The following AFF3 variants were observed in gnomAD, a reference collection of about 807,000 sequenced individuals.
AFF3 encodes the protein AF4/FMR2 family member 3.
In AFF3, 32 loss-of-function variants were observed where a neutral mutation model predicts 129.7. The ratio of observed to expected loss-of-function variants is 0.25; its 90% CI spans 0.19 to 0.33. The LOEUF (loss-of-function observed/expected upper bound fraction) is 0.33, where lower values mean the gene tolerates loss of function less well. Ranked by LOEUF, AFF3 falls within the 10% of genes least tolerant of loss-of-function variation. The pLI is 1.00. For synonymous variants in AFF3, 644 were observed against 635.4 expected, an observed-to-expected ratio of 1.01 and a Z score of -0.20; for missense variants, 1,373 against 1,592.0, an observed-to-expected ratio of 0.86 and a Z score of 2.34.
rs1415716044 is a variant in AFF3 at position 100,007,101 on chromosome 2, G to A, written c.487+47C>T. The A allele has an allele frequency of 2.5e-6, 4 of 1,599,708 alleles. No individual in the cohort carries two copies. The East Asian group carries it at 8.9e-5, about 36-fold the overall frequency. On this transcript the variant is annotated intron_variant, in intron 6 of 24. Transcript: ENST00000672756. Reference sequence around the variant, plus strand: ...TTTCTTTTTTCATTATAGTTCTCTGGGTTTTAGCAGATTTGTGCAAATCAA... The same window carrying A: ...TTTCTTTTTTCATTATAGTTCTCTGAGTTTTAGCAGATTTGTGCAAATCAA...
intron 7 of AFF3, among the ~76,000 whole-genome samples, chr2:99,881,698 T>A (rs183203685): frequency 5.9e-5 from 9 of 152,304 alleles, no homozygotes; most frequent in Middle Eastern, 3.4e-3. Flanking sequence ...TCAGAAGTGA[T>A]TTGGTCCAGG....
intron 11 of AFF3, among the ~76,000 whole-genome samples, chr2:99,706,935 T>TA (rs976082724): frequency 9.2e-5 from 14 of 152,226 alleles, no homozygotes; most frequent in African/African-American, 3.4e-4. Flanking sequence ...TTGGACTCTT[T>TA]AAAGTTTACG....
chr2:99,613,872 T>C (rs7567996), intron 13 of AFF3, among the ~76,000 whole-genome samples: 72,062 of 152,142 alleles, frequency 0.47, 17,211 homozygotes, highest in Non-Finnish European at 0.49. Context: ...ATTGAAGTAG[T>C]TTTTAAGTCT....
intron 4 of AFF3, among the ~76,000 whole-genome samples, chr2:100,076,843 T>C (rs919675680): frequency 2.0e-5 from 3 of 152,214 alleles, no homozygotes; most frequent in African/African-American, 7.2e-5. Context: ...ATCAACGTTA[T>C]GTATGTGCAG....
intron 8 of AFF3, among the ~76,000 whole-genome samples, chr2:99,791,501 C>T (rs554703769): frequency 8.5e-5 from 13 of 152,316 alleles, no homozygotes; most frequent in Non-Finnish European, 7.3e-5. Flanking sequence ...GGCGCCTGAA[C>T]GTTTTTGATC....
chr2:100,105,860 C>T (rs1323352503), intron 2 of AFF3: 2 of 1,336,374 alleles, frequency 1.5e-6, no homozygotes, highest in Admixed American at 2.3e-5. Flanking sequence ...AGTTGTGCCT[C>T]ACCACGCGAA....
chr2:99,565,039 C>A (rs996737310), intron 20 of AFF3, among the ~76,000 whole-genome samples: 1 of 151,996 alleles, frequency 6.6e-6, no homozygotes, highest in Non-Finnish European at 1.5e-5. Flanking sequence ...GTTTTTAGAC[C>A]AGACAGTATA....
chr2:99,909,642 G>A (rs932488392), intron 7 of AFF3, among the ~76,000 whole-genome samples: 12 of 151,456 alleles, frequency 7.9e-5, no homozygotes, highest in South Asian at 4.2e-4. Flanking sequence ...AAGAAAAAGC[G>A]TTTCTCCACA....
At chr2:99,660,986 A>G (rs1686181663) in intron 12 of AFF3, among the ~76,000 whole-genome samples, 1 of 152,214 alleles carries the variant, frequency 6.6e-6, no homozygotes, top group Non-Finnish European at 1.5e-5. Flanking sequence ...AAAGAAAAAC[A>G]AAAACTCAAC....
chr2:99,553,125 C>T (rs966195509), intron 24 of AFF3, among the ~76,000 whole-genome samples: 1 of 151,984 alleles, frequency 6.6e-6, no homozygotes, highest in African/African-American at 2.4e-5. Flanking sequence ...TCAGTAGAGA[C>T]GGGGTTTCTC....
At chr2:99,770,190 A>G (rs1275912200) in intron 8 of AFF3, among the ~76,000 whole-genome samples, 1 of 152,210 alleles carries the variant, frequency 6.6e-6, no homozygotes, top group East Asian at 1.9e-4. Flanking sequence ...TGGCACTCCA[A>G]CTGTAAGCCA....
intron 14 of AFF3, among the ~76,000 whole-genome samples, chr2:99,595,344 T>C (rs1248159954): frequency 6.6e-6 from 1 of 152,188 alleles, no homozygotes; most frequent in African/African-American, 2.4e-5. Context: ...ATGGGGAAAG[T>C]ATTTTGGCTA....
intron 13 of AFF3, among the ~76,000 whole-genome samples, chr2:99,642,104 T>G (rs1009485994): frequency 4.6e-5 from 7 of 152,152 alleles, no homozygotes; most frequent in Non-Finnish European, 8.8e-5. Flanking sequence ...ACAGCACACT[T>G]TAAGTCATGT....
chr2:99,630,225 G>C (rs1306932605), intron 13 of AFF3, among the ~76,000 whole-genome samples: 1 of 152,214 alleles, frequency 6.6e-6, no homozygotes, highest in Non-Finnish European at 1.5e-5. Flanking sequence ...CTGGAAGCAT[G>C]ATGAGGATGC....
intron 7 of AFF3, among the ~76,000 whole-genome samples, chr2:99,961,554 CCACAGTCCTA>C (rs781312029): frequency 3.3e-5 from 5 of 152,142 alleles, no homozygotes; most frequent in East Asian, 1.9e-4. Flanking sequence ...TCTGAGTTTT[CCACAGTCCTA>C]CACAGTCCTA....
At chr2:99,921,364 T>G (rs377714993) in intron 7 of AFF3, among the ~76,000 whole-genome samples, 108 of 152,204 alleles carry the variant, frequency 7.1e-4, no homozygotes, top group African/African-American at 2.5e-3. Context: ...CTACAACAGA[T>G]TGGAGGAAAC....
intron 18 of AFF3, among the ~76,000 whole-genome samples, chr2:99,573,418 C>G (rs772592959): frequency 8.5e-5 from 13 of 152,120 alleles, no homozygotes; most frequent in Non-Finnish European, 1.6e-4. Flanking sequence ...AAGGTAGGGT[C>G]CCTGCTTTGA....
At chr2:100,018,345 C>T (rs1229700802) in intron 4 of AFF3, among the ~76,000 whole-genome samples, 1 of 152,166 alleles carries the variant, frequency 6.6e-6, no homozygotes, top group Non-Finnish European at 1.5e-5. Flanking sequence ...TGATCATTTA[C>T]TGAGTCCCAA....
At chr2:99,858,830 CTG>C (rs773590289) in intron 7 of AFF3, among the ~76,000 whole-genome samples, 15 of 152,172 alleles carry the variant, frequency 9.9e-5, no homozygotes, top group Non-Finnish European at 1.9e-4. Flanking sequence ...ATGAAATAAA[CTG>C]TACAACAAAC....
Sources: allele counts gnomAD v4.1 joint callset (sites outside exome capture counted in the v4.1 genomes callset), GRCh38; gene constraint gnomAD v4.1.1; transcripts MANE v1.5; gene names NCBI Gene and HGNC (gene_info 2026-07-23, HGNC 2026-07-21).